The following ATP10D variants were observed in gnomAD, a reference collection of about 807,000 sequenced individuals.
ATP10D encodes the protein ATPase phospholipid transporting 10D (putative).
Under a neutral mutation model 144.8 loss-of-function variants are expected in ATP10D, and 89 were observed. The ratio of observed to expected loss-of-function variants is 0.61; its 90% CI spans 0.52 to 0.73. ATP10D has a LOEUF of 0.73. Among genes scored for constraint, ATP10D ranks in the 30% least tolerant of loss-of-function variants. The probability of loss-of-function intolerance (pLI) is 0.00; values close to 1 mark genes in which losing one functional copy is unlikely to be tolerated. For synonymous variants in ATP10D, 571 were observed against 615.1 expected (o/e 0.93, Z 1.06); for missense variants, 1,603 against 1,714.8 (o/e 0.93, Z 1.15).
At chr4:47,569,272 C>A in intron 16 of ATP10D, 126 bp downstream of exon 16, 3 of 1,069,082 alleles carry the variant, frequency 2.8e-6, no homozygotes, top group Non-Finnish European at 4.0e-6. Context: ...CTACCACATT[C>A]ATGCCTTCCC....
intron 10 of ATP10D, chr4:47,547,063 A>C (rs1718480303): frequency 1.7e-6 from 1 of 591,870 alleles, no homozygotes; most frequent in African/African-American, 1.9e-5. Context: ...AAAATAACTC[A>C]ATGTTGAGAG....
chr4:47,518,461 A>G (rs1037826349), intron 3 of ATP10D, among the ~76,000 whole-genome samples: 3 of 152,182 alleles, frequency 2.0e-5, no homozygotes, highest in Non-Finnish European at 2.9e-5. Flanking sequence ...TCTTGAAAAT[A>G]AGACTATTAA....
intron 9 of ATP10D, among the ~76,000 whole-genome samples, chr4:47,542,967 T>C (rs945909808): frequency 2.6e-5 from 4 of 151,374 alleles, no homozygotes; most frequent in Non-Finnish European, 5.9e-5. Context: ...AGTTACACGA[T>C]CATTAAATAT....
At position 47,512,645 on chromosome 4, in the gene ATP10D, C is replaced by T; in HGVS notation, c.105C>T (p.Ala35=). 1 of 1,614,152 alleles carries T rather than the reference C, an allele frequency of 6.2e-7. No individual in the cohort carries two copies. The highest frequency in any genetic ancestry group is 8.5e-7 in the Non-Finnish European group (1 of 1,180,028). The change falls in exon 2 of 23, where the codon GCC becomes GCT. Residue 35 remains alanine (A), a synonymous_variant. Transcript: ENST00000273859. ...CATACAACTATTCCTCGTTGCTCGC[C>T]TGTGGGCGCAAGTCCTCTCAGACCC... ...SGPYNYSSLL[A]CGRKSSQTPK...
chr4:47,557,654 T>C lies in ATP10D; in HGVS notation c.1825-10T>C. 1 of 1,588,802 alleles carries C rather than the reference T, an allele frequency of 6.3e-7. No homozygotes were observed. Among genetic ancestry groups the C allele is most frequent in the East Asian group, 2.3e-5 (1 of 44,416 alleles). On this transcript the variant is annotated splice_polypyrimidine_tract_variant and intron_variant, in intron 11 of 22. Transcript: ENST00000273859. The stretch of plus-strand genomic sequence containing the variant: ...ACTGTATTGAGACCTTTCTAAATTG[T>C]CTTTCATAGATCAGACACCCTTCAC...
intron 14 of ATP10D, among the ~76,000 whole-genome samples, chr4:47,561,772 G>T (rs959969874): frequency 1.3e-5 from 2 of 152,172 alleles, no homozygotes; most frequent in African/African-American, 2.4e-5. Flanking sequence ...GTGATCTGTT[G>T]TGTGGCTTGG....
At chr4:47,569,210 T>C (rs1294435502) in intron 16 of ATP10D, 64 bp downstream of exon 16, 12 of 1,520,174 alleles carry the variant, frequency 7.9e-6, no homozygotes, top group Non-Finnish European at 9.8e-6. Flanking sequence ...CACCGATCCT[T>C]CTGTCTCTTT....
At chr4:47,573,803 G>C (rs1390250806) in intron 18 of ATP10D, among the ~76,000 whole-genome samples, 1 of 151,988 alleles carries the variant, frequency 6.6e-6, no homozygotes, top group African/African-American at 2.4e-5. Context: ...ACCATTTTTA[G>C]GGGAAAAAAA....
intron 9 of ATP10D, among the ~76,000 whole-genome samples, chr4:47,546,265 A>C (rs1718421272): frequency 6.6e-6 from 1 of 152,098 alleles, no homozygotes; most frequent in Admixed American, 6.6e-5. Context: ...AGAGGGAAGA[A>C]TTGTAAGGGT....
rs1350878578 is a variant in ATP10D, at chr4:47,592,784, T to C, written c.*1403T>C. 1 of 152,586 alleles carries C rather than the reference T, an allele frequency of 6.6e-6. No individual in the cohort carries two copies. Among genetic ancestry groups the C allele is most frequent in the African/African-American group, 2.4e-5 (1 of 41,454 alleles). The allele number at this position is 152,586 out of a possible 1,614,324, so 9.5% of individuals were successfully genotyped here. A position where few individuals can be genotyped will look rare whatever the true frequency, so the allele number is the denominator to read the frequency against. On this transcript the variant is annotated 3_prime_UTR_variant, in exon 23 of 23. Coordinates refer to ENST00000273859, the MANE Select transcript of ATP10D (RefSeq NM_020453.4). ...ATTGGAAATAGTCTCTTACATAAGC[T>C]GATTTCGAGAACTTTCAAAATCTCA...
In ATP10D at chr4:47,523,088, G is replaced by C. The variant is rs888485233; in HGVS notation, c.562G>C (p.Val188Leu). Reference sequence around the variant, plus strand: ...CTTTATTCGCCTCTCCTGCAACGAGGTCATCCCTGCAGACATGGTACTACT... The same window carrying C: ...CTTTATTCGCCTCTCCTGCAACGAGCTCATCCCTGCAGACATGGTACTACT... The part of the protein sequence containing the change: ...GDFIRLSCNE[V>L]IPADMVLLFS... Residue 188 changes from valine (V) to leucine (L), a missense_variant, in exon 4 of 23, where the codon GTC becomes CTC. Transcript: ENST00000273859. 6.8e-6 allele frequency: 11 copies of C among 1,613,796 alleles called. No individual in the cohort carries two copies. The highest frequency in any genetic ancestry group is 1.3e-5 in the African/African-American group (1 of 74,832).
intron 9 of ATP10D, among the ~76,000 whole-genome samples, chr4:47,540,139 CTCT>C (rs1718060405): frequency 6.6e-6 from 1 of 152,188 alleles, no homozygotes; most frequent in East Asian, 1.9e-4. Context: ...GACCAGTTCT[CTCT>C]AGAAATTAAT....
rs4132384 is a variant in ATP10D, at chr4:47,525,356, A to T, written c.691-201A>T. On this transcript the variant is annotated intron_variant, in intron 4 of 22. Transcript: ENST00000273859. ...CATTCCCATCACCTGCAGATGTTTA[A>T]TAATGCCCTAGGACCATTCTGATCC... is the stretch of plus-strand genomic sequence containing the variant. Among the ~76,000 whole-genome samples, 50,183 of 151,908 alleles carry T rather than the reference A, an allele frequency of 0.33. 9,026 individuals carry two copies. The highest frequency in any genetic ancestry group is 0.46 in the African/African-American group (19,160 of 41,406).
intron 9 of ATP10D, 122 bp downstream of exon 9, chr4:47,537,060 G>T: frequency 8.7e-7 from 1 of 1,147,508 alleles, no homozygotes; most frequent in South Asian, 1.7e-5. Context: ...AGTACTTAAT[G>T]CTTCCAGATG....
chr4:47,505,847 T>G (rs997893902), intron 1 of ATP10D, among the ~76,000 whole-genome samples: 1 of 152,156 alleles, frequency 6.6e-6, no homozygotes, highest in African/African-American at 2.4e-5. Context: ...ATTATAGATT[T>G]TTTTTTCTTT....
chr4:47,540,244 G>A (rs577784224), intron 9 of ATP10D, among the ~76,000 whole-genome samples: 4 of 152,258 alleles, frequency 2.6e-5, no homozygotes, highest in African/African-American at 9.6e-5. Context: ...CAAAAGTGTT[G>A]CCTAGGAGAC....
chr4:47,512,045 G>A (rs1249056058), intron 1 of ATP10D, among the ~76,000 whole-genome samples: 1 of 152,228 alleles, frequency 6.6e-6, no homozygotes, highest in East Asian at 1.9e-4. Flanking sequence ...GAGATAGGAA[G>A]AATTTGTGGG....
intron 5 of ATP10D, among the ~76,000 whole-genome samples, chr4:47,526,517 G>A (rs925860744): frequency 6.6e-6 from 1 of 152,100 alleles, no homozygotes; most frequent in Admixed American, 6.6e-5. Context: ...TACACTGGAA[G>A]GTCTAGCTAG....
At chr4:47,496,885 A>C (rs1283675567) in intron 1 of ATP10D, among the ~76,000 whole-genome samples, 2 of 152,080 alleles carry the variant, frequency 1.3e-5, no homozygotes, top group African/African-American at 2.4e-5. Flanking sequence ...TCTACTGCCC[A>C]GGCTGGAGTG....
Sources: gnomAD v4.1 joint callset for allele counts (sites outside exome capture counted in the v4.1 genomes callset) on GRCh38, gnomAD v4.1.1 for gene constraint, MANE v1.5 for transcripts, NCBI Gene and HGNC (gene_info 2026-07-23, HGNC 2026-07-21) for gene names.